Variants in VSTM2B observed in about 807,000 individuals in gnomAD.
VSTM2B encodes the protein V-set and transmembrane domain-containing protein 2B.
In VSTM2B, 24 loss-of-function variants were observed where a neutral mutation model predicts 24.0. The observed-to-expected ratio is 1.00, with a 90% CI of 0.72 to 1.40. VSTM2B has a LOEUF of 1.40. Among genes scored for constraint, VSTM2B ranks in the 40% most tolerant of loss-of-function variants. The pLI is 0.00. For synonymous variants in VSTM2B, 226 were observed against 194.4 expected, an observed-to-expected ratio of 1.16 and a Z score of -1.35; for missense variants, 399 against 416.4, an observed-to-expected ratio of 0.96 and a Z score of 0.36.
chr19:29,527,449 C>G lies in VSTM2B; in HGVS notation c.267+54C>G, dbSNP rs569483271. On this transcript the variant is annotated intron_variant, in intron 2 of 4. Transcript: ENST00000335523. The stretch of plus-strand genomic sequence containing the variant: ...CGCGCCCGGCTCGCGCCCGGGGCGG[C>G]GAAGGCTAACCCAGGGAGGGAAGCA... 113 of 1,398,634 alleles carry G rather than the reference C, an allele frequency of 8.1e-5. No individual in the cohort carries two copies. In the African/African-American group the frequency reaches 1.6e-3, roughly 19 times the overall value. 86.6% of individuals were successfully genotyped at this position (1,398,634 alleles called of 1,614,324 possible). A position where few individuals can be genotyped will look rare whatever the true frequency, so the allele number is the denominator to read the frequency against.
At chr19:29,543,045 A>C (rs575688227) in intron 4 of VSTM2B, among the ~76,000 whole-genome samples, 1 of 152,304 alleles carries the variant, frequency 6.6e-6, no homozygotes, top group South Asian at 2.1e-4. Context: ...GGACAGGAGC[A>C]GCGGACCTCC....
intron 4 of VSTM2B, among the ~76,000 whole-genome samples, chr19:29,553,950 G>T (rs1970347596): frequency 1.3e-5 from 2 of 152,180 alleles, no homozygotes; most frequent in African/African-American, 4.8e-5. Flanking sequence ...ACAACTGATT[G>T]AAGTGCCTGA....
intron 4 of VSTM2B, among the ~76,000 whole-genome samples, chr19:29,530,641 A>G (rs1222294412): frequency 2.0e-5 from 3 of 152,168 alleles, no homozygotes; most frequent in Non-Finnish European, 4.4e-5. Context: ...GCAAGGGGCC[A>G]GTACTCAGCC....
At chr19:29,563,379 G>A (rs777596805) in intron 4 of VSTM2B, among the ~76,000 whole-genome samples, 24 of 151,966 alleles carry the variant, frequency 1.6e-4, no homozygotes, top group Non-Finnish European at 3.1e-4. Flanking sequence ...GAGCAGCTGG[G>A]AATACAGGTG....
intron 4 of VSTM2B, among the ~76,000 whole-genome samples, chr19:29,552,433 G>A (rs1231976004): frequency 1.3e-5 from 2 of 152,236 alleles, no homozygotes; most frequent in Non-Finnish European, 2.9e-5. Context: ...GCAAGGAAAA[G>A]CAGGGTGGTG....
intron 4 of VSTM2B, among the ~76,000 whole-genome samples, chr19:29,538,454 G>A (rs1170908607): frequency 6.6e-6 from 1 of 152,186 alleles, no homozygotes; most frequent in Non-Finnish European, 1.5e-5. Flanking sequence ...TTACTAAGCT[G>A]GACAGGGTGC....
At chr19:29,562,373 C>T (rs564672928) in intron 4 of VSTM2B, among the ~76,000 whole-genome samples, 39 of 152,290 alleles carry the variant, frequency 2.6e-4, no homozygotes, top group African/African-American at 9.4e-4. Flanking sequence ...TCAGGGAAGC[C>T]TCAAGTCTCT....
chr19:29,546,994 C>T (rs887125165), intron 4 of VSTM2B, among the ~76,000 whole-genome samples: 1 of 152,082 alleles, frequency 6.6e-6, no homozygotes, highest in East Asian at 1.9e-4. Flanking sequence ...TCTTTGGGCC[C>T]GAGAGGTGGT....
At chr19:29,540,307 C>A (rs979720935) in intron 4 of VSTM2B, among the ~76,000 whole-genome samples, 1 of 152,210 alleles carries the variant, frequency 6.6e-6, no homozygotes, top group Non-Finnish European at 1.5e-5. Context: ...GGTGGCCATG[C>A]AGGAGGATGA....
chr19:29,556,717 T>G (rs1385745846), intron 4 of VSTM2B, among the ~76,000 whole-genome samples: 1 of 152,158 alleles, frequency 6.6e-6, no homozygotes, highest in Non-Finnish European at 1.5e-5. Flanking sequence ...TCACGAGTAT[T>G]CCTGTGATAG....
At chr19:29,545,091 C>T (rs1194381803) in intron 4 of VSTM2B, among the ~76,000 whole-genome samples, 2 of 152,072 alleles carry the variant, frequency 1.3e-5, no homozygotes. Flanking sequence ...AGCCTCCAGA[C>T]TGGGTCAGCG....
chr19:29,529,012 C>G (rs573754620), intron 3 of VSTM2B: 1 of 985,332 alleles, frequency 1.0e-6, no homozygotes, highest in Non-Finnish European at 1.2e-6. Context: ...GTTGCTAACT[C>G]TGGGAGGAGA....
intron 4 of VSTM2B, among the ~76,000 whole-genome samples, chr19:29,556,195 C>T (rs1294871923): frequency 6.6e-6 from 1 of 152,076 alleles, no homozygotes; most frequent in Admixed American, 6.6e-5. Context: ...AATCTAGAGG[C>T]ACATCAAAAA....
intron 4 of VSTM2B, among the ~76,000 whole-genome samples, chr19:29,554,960 A>G (rs1362144489): frequency 6.6e-6 from 1 of 152,188 alleles, no homozygotes; most frequent in African/African-American, 2.4e-5. Context: ...CCACACAATA[A>G]TAGTGGGAGA....
chr19:29,554,174 G>A (rs1970354344), intron 4 of VSTM2B, among the ~76,000 whole-genome samples: 2 of 152,188 alleles, frequency 1.3e-5, no homozygotes, highest in African/African-American at 4.8e-5. Context: ...CAACCAGAGA[G>A]ATAGGCCAGA....
At chr19:29,555,372 A>G (rs945017672) in intron 4 of VSTM2B, among the ~76,000 whole-genome samples, 1 of 152,226 alleles carries the variant, frequency 6.6e-6, no homozygotes, top group African/African-American at 2.4e-5. Context: ...GAACAGGGAC[A>G]ATGTACCAAA....
intron 4 of VSTM2B, among the ~76,000 whole-genome samples, chr19:29,548,255 G>A (rs1345629449): frequency 1.3e-5 from 2 of 152,126 alleles, no homozygotes; most frequent in Non-Finnish European, 1.5e-5. Context: ...CCCCCAGGAG[G>A]ACAGCTTGTC....
intron 4 of VSTM2B, among the ~76,000 whole-genome samples, chr19:29,563,448 G>T (rs1361959776): frequency 6.6e-6 from 1 of 151,866 alleles, no homozygotes; most frequent in Non-Finnish European, 1.5e-5. Context: ...TCACTATGTT[G>T]CCCAGGCTGG....
intron 4 of VSTM2B, among the ~76,000 whole-genome samples, chr19:29,560,659 A>G (rs1286135370): frequency 6.6e-6 from 1 of 152,036 alleles, no homozygotes; most frequent in Non-Finnish European, 1.5e-5. Context: ...TGTAGCCCCC[A>G]CCCTGGCCCA....
Sources: gnomAD v4.1 joint callset for allele counts (sites outside exome capture counted in the v4.1 genomes callset) on GRCh38, gnomAD v4.1.1 for gene constraint, MANE v1.5 for transcripts, NCBI Gene and HGNC (gene_info 2026-07-23, HGNC 2026-07-21) for gene names.